AAMDC: variants seen among roughly 807,000 people sequenced by gnomAD.
The protein encoded by AAMDC is mth938 domain-containing protein.
AAMDC carries 16 observed loss-of-function variants against 15.5 expected under a neutral mutation model. The observed-to-expected ratio is 1.03, with a 90% CI of 0.70 to 1.57. The LOEUF (loss-of-function observed/expected upper bound fraction) is 1.57, where lower values mean the gene tolerates loss of function less well. AAMDC is among the 40% of genes most tolerant of loss of function. The pLI, the probability that AAMDC is intolerant of heterozygous loss-of-function variation, is 0.00. For missense variants in AAMDC, 141 were observed against 144.9 expected, an observed-to-expected ratio of 0.97 and a Z score of 0.14; for synonymous variants, 51 against 51.6, an observed-to-expected ratio of 0.99 and a Z score of 0.05.
chr11:77,882,551 C>CT (rs1398355865), intron 5 of AAMDC, among the ~76,000 whole-genome samples: 1 of 152,212 alleles, frequency 6.6e-6, no homozygotes, highest in Admixed American at 6.5e-5. Context: ...AATAAGGAAT[C>CT]TATTTTCCTG....
chr11:77,837,328 G>A (rs535232259), intron 1 of AAMDC, among the ~76,000 whole-genome samples: 5 of 152,142 alleles, frequency 3.3e-5, no homozygotes, highest in African/African-American at 1.2e-4. Context: ...GTAGAGACAG[G>A]GTTTCACCAC....
downstream of AAMDC, chr11:77,877,176 G>A (rs1951622215): frequency 3.2e-6 from 2 of 624,724 alleles, no homozygotes; most frequent in Admixed American, 5.0e-5. Flanking sequence ...TTTCCTAATT[G>A]TGTGACCTAG....
intron 1 of AAMDC, 74 bp from the exon 2 acceptor site, chr11:77,842,405 T>C: frequency 2.2e-6 from 3 of 1,362,936 alleles, no homozygotes; most frequent in Non-Finnish European, 3.0e-6. Flanking sequence ...AATCAGGGCT[T>C]AGTATCACTG....
At chr11:77,829,079 A>G (rs1949304839) in intron 1 of AAMDC, among the ~76,000 whole-genome samples, 1 of 152,202 alleles carries the variant, frequency 6.6e-6, no homozygotes, top group Non-Finnish European at 1.5e-5. Context: ...ATGTGACTGT[A>G]TTTAGAGATA....
At chr11:77,877,009 G>A (rs1002672464), downstream of AAMDC, 12 of 703,026 alleles carry the variant, frequency 1.7e-5, no homozygotes, top group Non-Finnish European at 3.1e-5. Flanking sequence ...AATTCCACCT[G>A]GCTACAGCTT....
At chr11:77,860,936 C>T (rs986212086) in intron 2 of AAMDC, among the ~76,000 whole-genome samples, 3 of 152,118 alleles carry the variant, frequency 2.0e-5, no homozygotes, top group Admixed American at 6.6e-5. Context: ...TTCTATACCC[C>T]TAAAATTGGA....
intron 5 of AAMDC, chr11:77,878,871 G>A (rs758992914): frequency 5.5e-5 from 57 of 1,027,472 alleles, no homozygotes; most frequent in Non-Finnish European, 7.2e-5. Flanking sequence ...TCAATTCCAG[G>A]TGAAGTGCTT....
At chr11:77,832,933 A>G (rs1414934522) in intron 1 of AAMDC, among the ~76,000 whole-genome samples, 1 of 134,172 alleles carries the variant, frequency 7.5e-6, no homozygotes, top group Admixed American at 7.6e-5. Flanking sequence ...TTTATTGTGC[A>G]CTTTATTGTA....
chr11:77,905,275 G>A (rs1256071445), downstream of AAMDC, among the ~76,000 whole-genome samples: 1 of 152,064 alleles, frequency 6.6e-6, no homozygotes, highest in Non-Finnish European at 1.5e-5. Flanking sequence ...TGACCAACAT[G>A]GCAAAACCCT....
chr11:77,878,679 T>C (rs941051684), intron 5 of AAMDC: 3 of 673,186 alleles, frequency 4.5e-6, no homozygotes, highest in South Asian at 3.2e-5. Flanking sequence ...GCTGAAGCTA[T>C]AGCCACACGC....
chr11:77,857,896 C>A (rs913781907), intron 2 of AAMDC, among the ~76,000 whole-genome samples: 7 of 152,040 alleles, frequency 4.6e-5, no homozygotes, highest in Non-Finnish European at 8.8e-5. Context: ...AGGGTTTCAC[C>A]ATATTGGCCA....
intron 2 of AAMDC, among the ~76,000 whole-genome samples, chr11:77,864,005 CA>C (rs1268072083): frequency 6.6e-6 from 1 of 151,602 alleles, no homozygotes; most frequent in Non-Finnish European, 1.5e-5. Context: ...TGGCTCACTG[CA>C]ACCTCTGCCT....
intron 2 of AAMDC, among the ~76,000 whole-genome samples, chr11:77,855,110 C>A (rs571173449): frequency 1.3e-4 from 20 of 152,290 alleles, no homozygotes; most frequent in African/African-American, 4.8e-4. Flanking sequence ...TGACCTGAGG[C>A]TGCACAGAGC....
intron 1 of AAMDC, among the ~76,000 whole-genome samples, chr11:77,823,621 C>CAAAAAAAA (rs397970373): frequency 8.2e-5 from 8 of 97,652 alleles, no homozygotes; most frequent in Admixed American, 1.2e-4. Context: ...CACCCTGTCT[C>CAAAAAAAA]AAAAAAAAAA....
chr11:77,844,080 T>A (rs1950041797), intron 2 of AAMDC, among the ~76,000 whole-genome samples: 1 of 152,068 alleles, frequency 6.6e-6, no homozygotes, highest in African/African-American at 2.4e-5. Context: ...TAAGATGAGA[T>A]TTGGGTGGGG....
intron 1 of AAMDC, among the ~76,000 whole-genome samples, chr11:77,828,261 C>T (rs184757266): frequency 3.2e-4 from 49 of 151,042 alleles, no homozygotes; most frequent in South Asian, 1.7e-3. Context: ...GGTGACAGAG[C>T]GCAACTCTGT....
In AAMDC at chr11:77,870,648, T is replaced by G. The variant is rs533611995; in HGVS notation, c.228+831T>G. Among the ~76,000 whole-genome samples, 7 of 152,206 alleles carry G rather than the reference T, an allele frequency of 4.6e-5. No homozygotes were observed. In the East Asian group the frequency reaches 9.7e-4, roughly 21 times the overall value. On this transcript the variant is annotated intron_variant, in intron 3 of 3. Transcript: ENST00000393427. ...CACCATGCCTGGCTTATTTTTTAAT[T>G]TTCTTACAGAAATAATATATGCTCA...
intron 5 of AAMDC, among the ~76,000 whole-genome samples, chr11:77,888,813 CAT>C (rs1299811482): frequency 1.3e-5 from 2 of 152,176 alleles, no homozygotes; most frequent in Non-Finnish European, 2.9e-5. Context: ...AGCCAAAAAA[CAT>C]ATGAAAAAAT....
chr11:77,843,935 G>A (rs193301966), intron 2 of AAMDC, among the ~76,000 whole-genome samples: 6 of 152,198 alleles, frequency 3.9e-5, no homozygotes, highest in East Asian at 1.9e-4. Context: ...AGAAACTCTC[G>A]TTTTTAAAAC....
Sources: gnomAD v4.1 joint callset for allele counts (sites outside exome capture counted in the v4.1 genomes callset) on GRCh38, gnomAD v4.1.1 for gene constraint, MANE v1.5 for transcripts, NCBI Gene and HGNC (gene_info 2026-07-23, HGNC 2026-07-21) for gene names.